ANKRD44: variants seen among roughly 807,000 people sequenced by gnomAD.
ANKRD44 encodes the protein serine/threonine-protein phosphatase 6 regulatory ankyrin repeat subunit B.
Under a neutral mutation model 116.0 loss-of-function variants are expected in ANKRD44, and 35 were observed. The observed-to-expected ratio is 0.30, with a 90% CI of 0.23 to 0.40. The LOEUF (loss-of-function observed/expected upper bound fraction) is 0.40, where lower values mean the gene tolerates loss of function less well. ANKRD44 is among the 10% of genes least tolerant of loss of function. The probability of loss-of-function intolerance (pLI) is 1.00; values close to 1 mark genes in which losing one functional copy is unlikely to be tolerated. For synonymous variants in ANKRD44, 435 were observed against 461.8 expected, an observed-to-expected ratio of 0.94 and a Z score of 0.74; for missense variants, 1,014 against 1,242.6, an observed-to-expected ratio of 0.82 and a Z score of 2.77.
intron 1 of ANKRD44, among the ~76,000 whole-genome samples, chr2:197,252,016 C>A (rs116054732): frequency 0.011 from 1,679 of 152,248 alleles, 16 homozygotes; most frequent in Non-Finnish European, 0.014. Context: ...AAGAATTATT[C>A]TTTCAGTATG....
At chr2:197,105,389 AAGC>A (rs2078402560) in intron 9 of ANKRD44, among the ~76,000 whole-genome samples, 1 of 152,256 alleles carries the variant, frequency 6.6e-6, no homozygotes, top group South Asian at 2.1e-4. Context: ...CTGGGATTAC[AAGC>A]GTGAGCCACT....
At position 197,271,518 on chromosome 2, in the gene ANKRD44, A is replaced by G. The variant is rs545802314; in HGVS notation, c.27+39060T>C. Among the ~76,000 whole-genome samples the G allele has an allele frequency of 2.1e-4, 32 of 152,378 alleles. 2 individuals are homozygous for G. In the South Asian group the frequency reaches 6.4e-3, roughly 31 times the overall value. ...GTGCTATAGAATCCTTAACAGACTG[A>G]CATTATCTTACTAAATGTGATATAA... is the stretch of plus-strand genomic sequence containing the variant. On this transcript the variant is annotated intron_variant, in intron 1 of 27. Transcript: ENST00000282272.
chr2:197,042,033 T>A (rs1051731250), intron 16 of ANKRD44, among the ~76,000 whole-genome samples: 4 of 152,172 alleles, frequency 2.6e-5, no homozygotes, highest in Non-Finnish European at 5.9e-5. Flanking sequence ...AAGAAAAATA[T>A]GTTTTAGATT....
intron 21 of ANKRD44, among the ~76,000 whole-genome samples, chr2:196,973,573 C>T (rs1261601872): frequency 6.6e-6 from 1 of 152,112 alleles, no homozygotes; most frequent in African/African-American, 2.4e-5. Context: ...AATAAGTCTC[C>T]TTTTCATCCC....
chr2:197,165,970 C>T (rs1194947325), intron 2 of ANKRD44, among the ~76,000 whole-genome samples: 1 of 152,116 alleles, frequency 6.6e-6, no homozygotes, highest in Non-Finnish European at 1.5e-5. Context: ...ACTGTTCTTG[C>T]CTTAAGTTCA....
chr2:197,229,588 T>C (rs1298758384), intron 1 of ANKRD44, among the ~76,000 whole-genome samples: 1 of 152,228 alleles, frequency 6.6e-6, no homozygotes, highest in Non-Finnish European at 1.5e-5. Context: ...GTTTGTCCTT[T>C]AGCAATATTG....
In ANKRD44 at chr2:197,121,466, A is replaced by G. The variant is rs765284456; in HGVS notation, c.772T>C (p.Leu258=). The change falls in exon 8 of 28, where the codon TTG becomes CTG. Residue 258 remains leucine, a synonymous_variant. Coordinates refer to ENST00000282272, the MANE Select transcript of ANKRD44 (RefSeq NM_001195144.2). ...YNGQDAVVNE[L]IDYGANVNQP... is the part of the protein sequence containing the mutation. ...TTCACGTTAGCACCGTAGTCAATCA[A>G]CTCGTTAACCACAGCATCCTGTCCA... The G allele has an allele frequency of 5.0e-5, 80 of 1,614,050 alleles. No individual in the cohort carries two copies. Among genetic ancestry groups the G allele is most frequent in the Non-Finnish European group, 6.5e-5 (77 of 1,180,044 alleles).
rs78900320 is a variant in ANKRD44, at chr2:197,145,425, C to T, written c.190+1602G>A. ...CACTGATTCTGCCTACAATTTTCCA[C>T]GGGCCAAATTGCAATTGCCAGGGCA... On this transcript the variant is annotated intron_variant, in intron 3 of 27. Coordinates refer to ENST00000282272, the MANE Select transcript of ANKRD44 (RefSeq NM_001195144.2). Among the ~76,000 whole-genome samples, 578 of 152,282 alleles carry T rather than the reference C, an allele frequency of 3.8e-3. 5 individuals are homozygous for T. The highest frequency in any genetic ancestry group is 0.013 in the African/African-American group (537 of 41,550).
chr2:197,193,235 C>T (rs1319288487), intron 1 of ANKRD44, among the ~76,000 whole-genome samples: 1 of 152,138 alleles, frequency 6.6e-6, no homozygotes, highest in Non-Finnish European at 1.5e-5. Flanking sequence ...TTGCTCCTTC[C>T]TTTCCTGAGA....
rs1388018111 is a variant in ANKRD44, at chr2:197,310,640, C to G, written c.-36G>C. ...CTTCGCGCGCACACACATGCAGGTC[C>G]CCGGCCCGCAGATGTCACGCCGGGA... On this transcript the variant is annotated 5_prime_UTR_variant, in exon 1 of 28. Transcript: ENST00000282272. The G allele has an allele frequency of 1.5e-5, 20 of 1,336,506 alleles. No homozygotes were observed. The Admixed American group carries it at 4.7e-4, about 31-fold the overall frequency. 82.8% of individuals were successfully genotyped at this position (1,336,506 alleles called of 1,614,324 possible).
chr2:196,997,147 A>G lies in ANKRD44; in HGVS notation c.2748+1190T>C, dbSNP rs144372591. 1.6e-3 allele frequency among the ~76,000 whole-genome samples: 248 copies of G among 151,898 alleles called. No individual in the cohort carries two copies. In the East Asian group the frequency reaches 0.029, roughly 18 times the overall value. On this transcript the variant is annotated intron_variant, in intron 25 of 27. Transcript: ENST00000282272. The stretch of plus-strand genomic sequence containing the variant: ...GGGATAATCAACATGTATAATACAA[A>G]TATTCCAAAATCCAAAAAATCCTAA...
At chr2:197,049,889 T>A (rs781720554) in intron 16 of ANKRD44, among the ~76,000 whole-genome samples, 6 of 152,196 alleles carry the variant, frequency 3.9e-5, no homozygotes, top group Non-Finnish European at 8.8e-5. Flanking sequence ...TCTAAGCTAA[T>A]CCAATGATCT....
intron 2 of ANKRD44, among the ~76,000 whole-genome samples, chr2:197,158,221 T>C (rs1194445965): frequency 6.6e-6 from 1 of 152,196 alleles, no homozygotes; most frequent in African/African-American, 2.4e-5. Context: ...TAAAAGCTAA[T>C]AAAGTTCACA....
chr2:197,283,728 G>C (rs1484484093), intron 1 of ANKRD44, among the ~76,000 whole-genome samples: 1 of 151,964 alleles, frequency 6.6e-6, no homozygotes, highest in Admixed American at 6.6e-5. Context: ...TTTTACCAAA[G>C]TGAATTTTAA....
chr2:197,213,309 G>C (rs971955281), intron 1 of ANKRD44, among the ~76,000 whole-genome samples: 1 of 152,162 alleles, frequency 6.6e-6, no homozygotes, highest in East Asian at 1.9e-4. Context: ...GTTTAATGTA[G>C]ACAATGTTAT....
Position 197,122,754 on chromosome 2 carries a change from C to A in ANKRD44, c.589G>T (p.Ala197Ser). ...TTCTTATCCTTACAGGTCACTTCTG[C>A]GCCATGGTTAATGAGCAATGCTACA... ...DVVALLINHG[A>S]EVTCKDKKGY... Residue 197 changes from alanine (A) to serine (S), a missense_variant, in exon 7 of 28, where the codon GCA (alanine) becomes TCA (serine). Ala to Ser is a moderately conservative substitution (Grantham distance 99, BLOSUM62 1). Coordinates refer to ENST00000282272, the MANE Select transcript of ANKRD44 (RefSeq NM_001195144.2). 5 of 1,614,150 alleles carry A rather than the reference C, an allele frequency of 3.1e-6. No individual in the cohort carries two copies. Among genetic ancestry groups the A allele is most frequent in the Non-Finnish European group, 4.2e-6 (5 of 1,180,008 alleles).
intron 18 of ANKRD44, among the ~76,000 whole-genome samples, chr2:197,011,158 T>C (rs1048040005): frequency 2.6e-5 from 4 of 152,192 alleles, no homozygotes; most frequent in East Asian, 3.8e-4. Flanking sequence ...AGAAGTTTAA[T>C]GTATGGCTAA....
intron 16 of ANKRD44, among the ~76,000 whole-genome samples, chr2:197,047,498 G>A (rs2077023608): frequency 6.6e-6 from 1 of 152,106 alleles, no homozygotes; most frequent in Non-Finnish European, 1.5e-5. Flanking sequence ...AATGAAGAAA[G>A]AATTTATCAT....
chr2:196,975,286 CAAGTA>C (rs1322633727), intron 21 of ANKRD44, among the ~76,000 whole-genome samples: 1 of 152,042 alleles, frequency 6.6e-6, no homozygotes, highest in Non-Finnish European at 1.5e-5. Context: ...AGATCTCTAA[CAAGTA>C]AAGAAATTGA....
Sources: gnomAD v4.1 joint callset for allele counts (sites outside exome capture counted in the v4.1 genomes callset) on GRCh38, gnomAD v4.1.1 for gene constraint, MANE v1.5 for transcripts, NCBI Gene and HGNC (gene_info 2026-07-23, HGNC 2026-07-21) for gene names.